Variants in PREX1 observed in about 807,000 individuals in gnomAD.
The protein encoded by PREX1 is phosphatidylinositol-3,4,5-trisphosphate dependent Rac exchange factor 1, also known as phosphatidylinositol 3,4,5-trisphosphate-dependent Rac exchanger 1 protein.
Under a neutral mutation model 198.3 loss-of-function variants are expected in PREX1, and 41 were observed. The ratio of observed to expected loss-of-function variants is 0.21; its 90% CI spans 0.16 to 0.27. The LOEUF is 0.27. PREX1 is among the 10% of genes least tolerant of loss of function. The probability of loss-of-function intolerance (pLI) is 1.00; values close to 1 mark genes in which losing one functional copy is unlikely to be tolerated. For synonymous variants in PREX1, 843 were observed against 887.2 expected, an observed-to-expected ratio of 0.95 and a Z score of 0.89; for missense variants, 1,620 against 2,200.7, an observed-to-expected ratio of 0.74 and a Z score of 5.28.
intron 7 of PREX1, among the ~76,000 whole-genome samples, 167 bp downstream of exon 7, chr20:48,700,586 T>C (rs374245752): frequency 3.8e-4 from 58 of 152,334 alleles, no homozygotes; most frequent in African/African-American, 1.2e-3. Flanking sequence ...TACTAGAACA[T>C]TTAACATAAC....
intron 7 of PREX1, among the ~76,000 whole-genome samples, chr20:48,700,314 C>T (rs1196893786): frequency 2.0e-5 from 3 of 152,114 alleles, no homozygotes; most frequent in Non-Finnish European, 4.4e-5. Flanking sequence ...ATGGTAGCCA[C>T]GAGCCACAGG....
chr20:48,785,927 G>A (rs2090310039), intron 1 of PREX1, among the ~76,000 whole-genome samples: 1 of 152,210 alleles, frequency 6.6e-6, no homozygotes, highest in African/African-American at 2.4e-5. Flanking sequence ...ACAGCAGCAG[G>A]CAAAGCCACA....
intron 1 of PREX1, among the ~76,000 whole-genome samples, chr20:48,799,907 C>T (rs2090379084): frequency 6.6e-6 from 1 of 152,146 alleles, no homozygotes; most frequent in African/African-American, 2.4e-5. Context: ...TCACTCTAAT[C>T]TGCCTCTGCG....
At chr20:48,788,708 C>G (rs541312330) in intron 1 of PREX1, among the ~76,000 whole-genome samples, 1 of 152,282 alleles carries the variant, frequency 6.6e-6, no homozygotes, top group South Asian at 2.1e-4. Flanking sequence ...AAACAAATAC[C>G]CGCTGTGGCA....
chr20:48,811,188 T>A (rs2090432364), intron 1 of PREX1, among the ~76,000 whole-genome samples: 1 of 151,730 alleles, frequency 6.6e-6, no homozygotes, highest in South Asian at 2.1e-4. Context: ...ATTTTTTTTT[T>A]ATTATTATTA....
At chr20:48,685,506 TCCCTTTAA>T (rs1295337068) in intron 10 of PREX1, among the ~76,000 whole-genome samples, 1 of 152,172 alleles carries the variant, frequency 6.6e-6, no homozygotes, top group Non-Finnish European at 1.5e-5. Flanking sequence ...TTTTATTATC[TCCCTTTAA>T]CTGATCGTTC....
At chr20:48,797,389 A>G (rs2090367861) in intron 1 of PREX1, among the ~76,000 whole-genome samples, 2 of 125,908 alleles carry the variant, frequency 1.6e-5, no homozygotes, top group Middle Eastern at 4.8e-3. Context: ...GAGGCTGGCC[A>G]TTTCCCCAGG....
intron 29 of PREX1, among the ~76,000 whole-genome samples, chr20:48,641,867 GA>G (rs1366221377): frequency 4.2e-4 from 38 of 90,904 alleles, no homozygotes; most frequent in Non-Finnish European, 7.8e-4. Context: ...AGGAAGGAAG[GA>G]AGGAAGGAAG....
At chr20:48,709,876 A>G (rs2089922644) in intron 5 of PREX1, among the ~76,000 whole-genome samples, 1 of 152,218 alleles carries the variant, frequency 6.6e-6, no homozygotes, top group Non-Finnish European at 1.5e-5. Context: ...CTTCAAACAC[A>G]TCCCTTCTTC....
At chr20:48,637,593 A>G in intron 31 of PREX1, 118 bp downstream of exon 31, 1 of 1,050,100 alleles carries the variant, frequency 9.5e-7, no homozygotes, top group Non-Finnish European at 1.3e-6. Context: ...TAGCTCTTGG[A>G]GGGGCTCCAG....
intron 1 of PREX1, among the ~76,000 whole-genome samples, chr20:48,776,073 T>C (rs552480485): frequency 6.6e-6 from 1 of 152,010 alleles, no homozygotes; most frequent in Non-Finnish European, 1.5e-5. Context: ...TCCTCACCAA[T>C]GGAGGTGAGC....
the PREX1 span, among the ~76,000 whole-genome samples, chr20:48,851,757 G>A: frequency 6.6e-6 from 1 of 152,034 alleles, no homozygotes; most frequent in Non-Finnish European, 1.5e-5. Flanking sequence ...CCCCCAGCAT[G>A]GGGACATTGC....
rs565315901 is a variant in PREX1, at chr20:48,796,502, C to T, written c.219+31140G>A. On this transcript the variant is annotated intron_variant, in intron 1 of 39. Coordinates refer to ENST00000371941, the MANE Select transcript of PREX1 (RefSeq NM_020820.4). ...CTATCTGAAGGGGCCTGTATGACACCGGGGCCAGTGGCTGCCTCTGGGGAG... is the reference window on the plus strand; with the variant it reads ...CTATCTGAAGGGGCCTGTATGACACTGGGGCCAGTGGCTGCCTCTGGGGAG... 1.1e-3 allele frequency among the ~76,000 whole-genome samples: 168 copies of T among 152,022 alleles called. 1 individual carries two copies. The highest frequency in any genetic ancestry group is 2.2e-3 in the Non-Finnish European group (153 of 68,012).
intron 3 of PREX1, 144 bp from the exon 4 acceptor site, chr20:48,734,794 A>C (rs2090049845): frequency 1.6e-6 from 1 of 638,330 alleles, no homozygotes; most frequent in Admixed American, 2.6e-5. Context: ...TCTCAGGTAA[A>C]GCGGCTCCAC....
chr20:48,764,798 G>GA (rs1369648538), intron 1 of PREX1, among the ~76,000 whole-genome samples: 28 of 95,772 alleles, frequency 2.9e-4, no homozygotes, highest in African/African-American at 7.7e-4. Flanking sequence ...AAAAAAAAAA[G>GA]AAAGAAAGAA....
chr20:48,695,068 A>C (rs928363984), intron 7 of PREX1, among the ~76,000 whole-genome samples: 1 of 152,334 alleles, frequency 6.6e-6, no homozygotes, highest in African/African-American at 2.4e-5. Context: ...ATGCCCAAAG[A>C]AGCATTAATA....
intron 14 of PREX1, among the ~76,000 whole-genome samples, chr20:48,667,145 G>C (rs1050979758): frequency 6.6e-5 from 10 of 152,120 alleles, no homozygotes; most frequent in Non-Finnish European, 1.2e-4. Context: ...AGACTACAAG[G>C]TGCCCTCATG....
chr20:48,634,144 GTGGATGGATGGA>G (rs985132974), intron 33 of PREX1, among the ~76,000 whole-genome samples: 1 of 120,200 alleles, frequency 8.3e-6, no homozygotes, highest in Non-Finnish European at 1.8e-5. Context: ...ACATGGGTGG[GTGGATGGATGGA>G]TGGATGGATG....
chr20:48,704,541 T>TTTCCTTCCTTCCTTCCTTTCC lies in PREX1; in HGVS notation c.784-3656_784-3655insGGAAAGGAAGGAAGGAAGGAA, dbSNP rs1248774359. ...TTCCTTCCTTCCTTTCCTTCCTTCC[T>TTTCCTTCCTTCCTTCCTTTCC]TTCCTTCCTTCCTTCCTCCCTCCCT... On this transcript the variant is annotated intron_variant, in intron 6 of 39. Transcript: ENST00000371941. Among the ~76,000 whole-genome samples, 18 of 150,644 alleles carry TTTCCTTCCTTCCTTCCTTTCC rather than the reference T, an allele frequency of 1.2e-4. No individual in the cohort carries two copies. The South Asian group carries it at 3.7e-3, about 31-fold the overall frequency.
Sources: gnomAD v4.1 joint callset for allele counts (sites outside exome capture counted in the v4.1 genomes callset) on GRCh38, gnomAD v4.1.1 for gene constraint, MANE v1.5 for transcripts, NCBI Gene and HGNC (gene_info 2026-07-23, HGNC 2026-07-21) for gene names.